KCND3: variants seen among roughly 807,000 people sequenced by gnomAD.
KCND3 encodes the protein A-type voltage-gated potassium channel KCND3.
A neutral mutation model predicts 51.1 loss-of-function variants in KCND3; 9 were observed. The observed-to-expected ratio is 0.18, with a 90% confidence interval of 0.11 to 0.31. KCND3 has a LOEUF of 0.31. Among genes scored for constraint, KCND3 ranks in the 10% least tolerant of loss-of-function variants. The pLI is 1.00. For missense variants in KCND3, 526 were observed against 903.8 expected, an observed-to-expected ratio of 0.58 and a Z score of 5.36; for synonymous variants, 349 against 368.0, an observed-to-expected ratio of 0.95 and a Z score of 0.59.
chr1:111,777,380 G>GGGCT (rs1664175482), intron 6 of KCND3, 107 bp from the exon 7 acceptor site: 5 of 1,232,110 alleles, frequency 4.1e-6, no homozygotes, highest in Non-Finnish European at 5.9e-6. Flanking sequence ...CTTGAAGGAA[G>GGGCT]GGCTCCCAGC....
chr1:111,914,260 A>G (rs4839183), intron 2 of KCND3, among the ~76,000 whole-genome samples: 83,310 of 148,042 alleles, frequency 0.56, 23,584 homozygotes, highest in African/African-American at 0.6. Context: ...AAAGCAAAGA[A>G]GGAAAAAAGA....
At chr1:111,989,295 G>A (rs1675496865) in intron 1 of KCND3, 1 of 152,348 alleles carries the variant, frequency 6.6e-6, no homozygotes, top group Non-Finnish European at 1.5e-5. Flanking sequence ...GCCCGGAGGT[G>A]GCTCCACAGC....
chr1:111,873,586 A>G (rs967657875), intron 2 of KCND3, among the ~76,000 whole-genome samples: 1 of 152,100 alleles, frequency 6.6e-6, no homozygotes, highest in African/African-American at 2.4e-5. Context: ...CTGGGAAGAC[A>G]GGCTAAGTGT....
At chr1:111,989,316 C>G (rs111333941) in intron 1 of KCND3, among the ~76,000 whole-genome samples, 189 bp downstream of exon 1, 2 of 152,090 alleles carry the variant, frequency 1.3e-5, no homozygotes, top group Non-Finnish European at 2.9e-5. Context: ...CCGAGGGAAC[C>G]GACGCCCCCG....
intron 2 of KCND3, among the ~76,000 whole-genome samples, chr1:111,788,719 T>A (rs574009305): frequency 3.3e-5 from 5 of 152,158 alleles, no homozygotes; most frequent in African/African-American, 1.2e-4. Context: ...TCCAGGGAAG[T>A]GGTTGAGAAC....
chr1:111,911,535 A>T (rs898220843), intron 2 of KCND3, among the ~76,000 whole-genome samples: 1 of 152,266 alleles, frequency 6.6e-6, no homozygotes, highest in Non-Finnish European at 1.5e-5. Flanking sequence ...TACCAAATCC[A>T]TGTACCAGCT....
chr1:111,862,682 G>A (rs1366942684), intron 2 of KCND3, among the ~76,000 whole-genome samples: 1 of 152,228 alleles, frequency 6.6e-6, no homozygotes, highest in Non-Finnish European at 1.5e-5. Context: ...CTAGTTGGAT[G>A]ACCTTAACCT....
intron 2 of KCND3, among the ~76,000 whole-genome samples, chr1:111,924,014 C>T (rs978687481): frequency 5.3e-5 from 8 of 152,302 alleles, no homozygotes; most frequent in South Asian, 2.1e-4. Context: ...AATGTGCCCA[C>T]GGGCCAGGAC....
At chr1:111,861,520 T>C (rs1002067685) in intron 2 of KCND3, among the ~76,000 whole-genome samples, 1 of 152,192 alleles carries the variant, frequency 6.6e-6, no homozygotes, top group Non-Finnish European at 1.5e-5. Flanking sequence ...ACTGGGGTCA[T>C]AAGACTTGTC....
chr1:111,783,241 C>T (rs1664465089), intron 3 of KCND3, among the ~76,000 whole-genome samples: 1 of 148,346 alleles, frequency 6.7e-6, no homozygotes. Context: ...AGGGAAGTGA[C>T]TTATCCAGGG....
chr1:111,908,093 C>G (rs1670735690), intron 2 of KCND3, among the ~76,000 whole-genome samples: 1 of 152,232 alleles, frequency 6.6e-6, no homozygotes, highest in African/African-American at 2.4e-5. Context: ...TTCCTCTTCC[C>G]TTGGTTTCCC....
At chr1:111,913,374 G>A (rs1250932123) in intron 2 of KCND3, among the ~76,000 whole-genome samples, 1 of 152,132 alleles carries the variant, frequency 6.6e-6, no homozygotes, top group Non-Finnish European at 1.5e-5. Context: ...AGTGATGCAC[G>A]ATTGTATACA....
rs1365716118 is a variant in KCND3, at chr1:111,770,816, T to C, written c.*5261A>G. The stretch of plus-strand genomic sequence containing the variant: ...ACAGGAAACTCAAGGGTGTTTTTTT[T>C]TTTTCATAGAAAGTTTTCATGTTTT... On this transcript the variant is annotated 3_prime_UTR_variant, in exon 8 of 8. Coordinates refer to ENST00000302127, the MANE Select transcript of KCND3 (RefSeq NM_001378969.1). 6.6e-6 allele frequency: 1 copy of C among 152,162 alleles called. No individual in the cohort carries two copies. The highest frequency in any genetic ancestry group is 2.4e-5 in the African/African-American group (1 of 41,438). The allele number at this position is 152,162 out of a possible 1,614,324, so 9.4% of individuals were successfully genotyped here. A position where few individuals can be genotyped will look rare whatever the true frequency, so the allele number is the denominator to read the frequency against.
chr1:111,933,129 G>A (rs919753934), intron 2 of KCND3, among the ~76,000 whole-genome samples: 14 of 152,176 alleles, frequency 9.2e-5, no homozygotes, highest in African/African-American at 3.1e-4. Context: ...GTAAGCATCT[G>A]GCATTTCCCC....
chr1:111,885,643 G>A (rs1669535202), intron 2 of KCND3, among the ~76,000 whole-genome samples: 1 of 152,082 alleles, frequency 6.6e-6, no homozygotes. Context: ...GTGTGGTACG[G>A]GAACGTTTCC....
At chr1:111,829,962 T>A (rs1330841720) in intron 2 of KCND3, among the ~76,000 whole-genome samples, 3 of 152,210 alleles carry the variant, frequency 2.0e-5, no homozygotes, top group Admixed American at 2.0e-4. Flanking sequence ...CCTACTCCAT[T>A]TCTACTGCCA....
intron 2 of KCND3, among the ~76,000 whole-genome samples, chr1:111,966,767 G>A (rs926156459): frequency 1.3e-5 from 2 of 152,178 alleles, no homozygotes; most frequent in Non-Finnish European, 2.9e-5. Flanking sequence ...CTGAGGTATA[G>A]AGAAAGTAGA....
At chr1:111,949,801 G>T (rs1432904295) in intron 2 of KCND3, among the ~76,000 whole-genome samples, 1 of 151,784 alleles carries the variant, frequency 6.6e-6, no homozygotes, top group Non-Finnish European at 1.5e-5. Context: ...CCCAAGGATG[G>T]GTGTTTTCTA....
chr1:111,869,769 T>C (rs1170519403), intron 2 of KCND3, among the ~76,000 whole-genome samples: 1 of 152,190 alleles, frequency 6.6e-6, no homozygotes, highest in Non-Finnish European at 1.5e-5. Flanking sequence ...AAATAAACTT[T>C]TACAATTTCC....
Sources: gnomAD v4.1 joint callset for allele counts (sites outside exome capture counted in the v4.1 genomes callset) on GRCh38, gnomAD v4.1.1 for gene constraint, MANE v1.5 for transcripts, NCBI Gene and HGNC (gene_info 2026-07-23, HGNC 2026-07-21) for gene names.